The following NLK variants were observed in gnomAD, a reference collection of about 807,000 sequenced individuals.
NLK encodes the protein serine/threonine-protein kinase NLK.
In NLK, 11 loss-of-function variants were observed where a neutral mutation model predicts 59.0. That is an observed-to-expected ratio of 0.19 (90% CI 0.12 to 0.31). The LOEUF is 0.31. Ranked by LOEUF, NLK falls within the 10% of genes least tolerant of loss-of-function variation. NLK has a pLI of 1.00. For synonymous variants in NLK, 235 were observed against 235.9 expected (o/e 1.00, Z 0.03); for missense variants, 410 against 661.1 (o/e 0.62, Z 4.16).
chr17:28,127,640 G>A (rs1567721695), intron 2 of NLK, among the ~76,000 whole-genome samples: 1 of 152,162 alleles, frequency 6.6e-6, no homozygotes, highest in African/African-American at 2.4e-5. Context: ...CAATGTGATT[G>A]ATAGGTCTTT....
intron 3 of NLK, among the ~76,000 whole-genome samples, chr17:28,151,789 G>C (rs546051702): frequency 9.2e-5 from 14 of 152,222 alleles, no homozygotes; most frequent in African/African-American, 3.4e-4. Flanking sequence ...CATTATAATA[G>C]ATAATAGAAG....
chr17:28,135,113 A>T (rs893496028), intron 3 of NLK, among the ~76,000 whole-genome samples: 1 of 152,174 alleles, frequency 6.6e-6, no homozygotes, highest in Non-Finnish European at 1.5e-5. Context: ...TAGCATTCCT[A>T]TCAGTGTGTA....
intron 6 of NLK, 37 bp downstream of exon 6, chr17:28,168,694 T>C (rs995826939): frequency 6.6e-7 from 1 of 1,517,320 alleles, no homozygotes; most frequent in African/African-American, 1.4e-5. Context: ...TGCAATTCTA[T>C]TGCAGATTTG....
rs34923645 is a variant in NLK at position 28,058,458 on chromosome 17, A to G, written c.458+15127A>G. 6.5e-3 allele frequency among the ~76,000 whole-genome samples: 995 copies of G among 152,332 alleles called. 17 individuals are homozygous for G. Among genetic ancestry groups the G allele is most frequent in the African/African-American group, 0.022 (929 of 41,562 alleles). ...TCTTTCAATGCTAATGTAAGTGCTT[A>G]TAACCACTTGTGACATGTTCTCTAC... On this transcript the variant is annotated intron_variant, in intron 1 of 10. Transcript: ENST00000407008.
chr17:28,107,817 A>G (rs1261994366), intron 1 of NLK, among the ~76,000 whole-genome samples: 1 of 152,206 alleles, frequency 6.6e-6, no homozygotes, highest in Admixed American at 6.5e-5. Context: ...GAAGGATACA[A>G]AGAGACATAT....
chr17:28,051,346 C>G (rs970143494), intron 1 of NLK, among the ~76,000 whole-genome samples: 1 of 151,450 alleles, frequency 6.6e-6, no homozygotes, highest in African/African-American at 2.4e-5. Context: ...GTTCAAGGTG[C>G]CATTTCCTTG....
At chr17:28,102,517 T>G (rs1567714364) in intron 1 of NLK, among the ~76,000 whole-genome samples, 1 of 151,746 alleles carries the variant, frequency 6.6e-6, no homozygotes, top group African/African-American at 2.4e-5. Flanking sequence ...GACATGGTGG[T>G]GCATGCCTGT....
At chr17:28,061,344 A>G (rs748002301) in intron 1 of NLK, among the ~76,000 whole-genome samples, 11 of 152,220 alleles carry the variant, frequency 7.2e-5, no homozygotes, top group South Asian at 2.1e-4. Context: ...GAACCCAGAG[A>G]TGATTTTTCT....
chr17:28,119,163 C>A lies in NLK; in HGVS notation c.459-3440C>A, dbSNP rs117165722. Among the ~76,000 whole-genome samples, 1,156 of 152,252 alleles carry A rather than the reference C, an allele frequency of 7.6e-3. 2 individuals carry two copies. The highest frequency in any genetic ancestry group is 0.01 in the Non-Finnish European group (710 of 68,006). ...TGAGTAACAAAAAATAAAAGAATTC[C>A]TGTATAACATGCTTCCACACTTATC... On this transcript the variant is annotated intron_variant, in intron 1 of 10. Transcript: ENST00000407008.
intron 6 of NLK, among the ~76,000 whole-genome samples, chr17:28,170,507 CA>C (rs1160867342): frequency 1.3e-5 from 2 of 152,064 alleles, no homozygotes; most frequent in Non-Finnish European, 2.9e-5. Context: ...TTAAAGTTTA[CA>C]TCTTAAAAAT....
chr17:28,081,499 C>G (rs1014350060), intron 1 of NLK, among the ~76,000 whole-genome samples: 3 of 151,898 alleles, frequency 2.0e-5, no homozygotes, highest in African/African-American at 7.3e-5. Flanking sequence ...TTAGAAATGA[C>G]AGTGTGTTCC....
At chr17:28,048,078 G>A (rs951353056) in intron 1 of NLK, 3 of 396,764 alleles carry the variant, frequency 7.6e-6, no homozygotes, top group Admixed American at 4.4e-5. Flanking sequence ...CAAAGCATCC[G>A]TATGAAACTA....
intron 2 of NLK, among the ~76,000 whole-genome samples, chr17:28,128,997 A>C (rs1425778719): frequency 6.6e-6 from 1 of 152,242 alleles, no homozygotes; most frequent in Non-Finnish European, 1.5e-5. Flanking sequence ...CCACTGATTC[A>C]CACAGGAACA....
intron 1 of NLK, among the ~76,000 whole-genome samples, chr17:28,070,676 A>C (rs1435103895): frequency 2.0e-5 from 3 of 152,110 alleles, no homozygotes; most frequent in Non-Finnish European, 4.4e-5. Flanking sequence ...TATATGGACT[A>C]AGATAAGGGT....
intron 6 of NLK, among the ~76,000 whole-genome samples, chr17:28,170,124 CA>C (rs937733838): frequency 6.6e-6 from 1 of 152,082 alleles, no homozygotes; most frequent in African/African-American, 2.4e-5. Flanking sequence ...ACCACCATAA[CA>C]AAGCCCCTGA....
chr17:28,044,263 A>C (rs1294274607), intron 1 of NLK, among the ~76,000 whole-genome samples: 1 of 152,214 alleles, frequency 6.6e-6, no homozygotes, highest in Non-Finnish European at 1.5e-5. Context: ...TAATGATTCC[A>C]CTTTGGATAG....
At chr17:28,114,793 CAT>C (rs759594509) in intron 1 of NLK, among the ~76,000 whole-genome samples, 6 of 151,994 alleles carry the variant, frequency 3.9e-5, no homozygotes, top group Non-Finnish European at 8.8e-5. Context: ...GTTCCAATAA[CAT>C]AGATTGAAAA....
intron 1 of NLK, among the ~76,000 whole-genome samples, chr17:28,101,682 G>A (rs1322555175): frequency 6.6e-6 from 1 of 152,124 alleles, no homozygotes; most frequent in Non-Finnish European, 1.5e-5. Flanking sequence ...GTAGCTCTTT[G>A]TATGTTTCTT....
At chr17:28,115,464 T>C (rs1423593717) in intron 1 of NLK, among the ~76,000 whole-genome samples, 3 of 152,238 alleles carry the variant, frequency 2.0e-5, no homozygotes, top group East Asian at 3.8e-4. Context: ...AGTGTTCATA[T>C]AGGCGACAGT....
Sources: allele counts gnomAD v4.1 joint callset (sites outside exome capture counted in the v4.1 genomes callset), GRCh38; gene constraint gnomAD v4.1.1; transcripts MANE v1.5; gene names NCBI Gene and HGNC (gene_info 2026-07-23, HGNC 2026-07-21).